The following STK32A variants were observed in gnomAD, a reference collection of about 807,000 sequenced individuals.
STK32A encodes serine/threonine-protein kinase 32A.
A neutral mutation model predicts 53.2 loss-of-function variants in STK32A; 41 were observed. The observed-to-expected ratio is 0.77, with a 90% confidence interval of 0.60 to 1.00. STK32A has a LOEUF of 1.00. Among genes scored for constraint, STK32A ranks in the 50% least tolerant of loss-of-function variants. The pLI is 0.00. For missense variants in STK32A, 458 were observed against 485.8 expected (o/e 0.94, Z 0.54); for synonymous variants, 166 against 162.8 (o/e 1.02, Z -0.15).
At chr5:147,294,611 A>T (rs1752775060) in intron 4 of STK32A, among the ~76,000 whole-genome samples, 2 of 152,222 alleles carry the variant, frequency 1.3e-5, no homozygotes, top group East Asian at 3.9e-4. Flanking sequence ...CTTTACCAAA[A>T]ACACATCTTA....
chr5:147,240,483 A>C (rs1753527029), intron 2 of STK32A, among the ~76,000 whole-genome samples: 1 of 152,186 alleles, frequency 6.6e-6, no homozygotes, highest in African/African-American at 2.4e-5. Context: ...ACTGAAATTC[A>C]GGAAATCTGA....
chr5:147,353,771 A>AAAC (rs889215458), intron 7 of STK32A, among the ~76,000 whole-genome samples: 15 of 152,182 alleles, frequency 9.9e-5, no homozygotes, highest in East Asian at 9.7e-4. Context: ...AAGAAAAAAC[A>AAAC]AACAACAACA....
At chr5:147,303,786 A>G (rs1000744806) in intron 4 of STK32A, among the ~76,000 whole-genome samples, 1 of 152,216 alleles carries the variant, frequency 6.6e-6, no homozygotes, top group African/African-American at 2.4e-5. Flanking sequence ...GTTTTGGCAT[A>G]TGACCCTGAT....
chr5:147,383,309 T>C, intron 11 of STK32A, 132 bp from the exon 12 acceptor site: 1 of 750,526 alleles, frequency 1.3e-6, no homozygotes, highest in Middle Eastern at 2.4e-4. Flanking sequence ...ATAGCATCCA[T>C]TTTGAAGATA....
chr5:147,361,021 C>T (rs187021759), intron 7 of STK32A, among the ~76,000 whole-genome samples: 244 of 152,300 alleles, frequency 1.6e-3, no homozygotes, highest in Non-Finnish European at 2.8e-3. Context: ...TTCTCCCTCC[C>T]TCATCCCCAA....
chr5:147,256,795 A>G (rs952306068), intron 2 of STK32A, among the ~76,000 whole-genome samples: 2 of 152,132 alleles, frequency 1.3e-5, no homozygotes, highest in Non-Finnish European at 2.9e-5. Flanking sequence ...TACAGGCGTG[A>G]GCCACCGAGC....
At chr5:147,326,138 A>G (rs751512009) in intron 5 of STK32A, among the ~76,000 whole-genome samples, 2 of 152,338 alleles carry the variant, frequency 1.3e-5, no homozygotes, top group Non-Finnish European at 1.5e-5. Context: ...ATTTTTCCCC[A>G]AGGAGCTTAC....
At chr5:147,270,215 G>GA (rs1221046047) in intron 2 of STK32A, among the ~76,000 whole-genome samples, 1 of 151,838 alleles carries the variant, frequency 6.6e-6, no homozygotes, top group Non-Finnish European at 1.5e-5. Flanking sequence ...CTACATTACT[G>GA]AAAAAAAATC....
In STK32A at chr5:147,383,497, C is replaced by T. The variant is rs772286007; in HGVS notation, c.1089C>T (p.Asn363=). 1.3e-6 allele frequency: 2 copies of T among 1,590,106 alleles called. No individual in the cohort carries two copies. The highest frequency in any genetic ancestry group is 2.3e-5 in the East Asian group (1 of 43,942). ...DSVQKEFIIF[N]REKVNRDFNK... is the part of the protein sequence containing the mutation. The stretch of plus-strand genomic sequence containing the variant: ...TCCAGAAGGAGTTCATAATTTTCAA[C>T]AGAGAAAAGTAAGTAATTCCTGGGA... Residue 363 remains asparagine (N), a synonymous_variant, in exon 12 of 13, where the codon AAC becomes AAT. Coordinates refer to ENST00000397936, the MANE Select transcript of STK32A (RefSeq NM_001112724.2).
intron 9 of STK32A, among the ~76,000 whole-genome samples, chr5:147,371,202 G>A (rs554640646): frequency 1.7e-4 from 26 of 152,160 alleles, no homozygotes; most frequent in African/African-American, 6.3e-4. Context: ...CATCAGTCTA[G>A]CCTTATAACG....
chr5:147,318,533 G>T (rs1015562874), intron 4 of STK32A, among the ~76,000 whole-genome samples: 2 of 151,684 alleles, frequency 1.3e-5, no homozygotes, highest in Non-Finnish European at 2.9e-5. Context: ...GAGAGGCTAC[G>T]GCAGGAGGAT....
chr5:147,299,354 C>T (rs6875153), intron 4 of STK32A, among the ~76,000 whole-genome samples: 55,911 of 151,794 alleles, frequency 0.37, 11,156 homozygotes, highest in East Asian at 0.59. Context: ...GCTTCTTTGC[C>T]GCAACTTGTT....
At chr5:147,380,313 CAAGT>C (rs770513706) in intron 11 of STK32A, among the ~76,000 whole-genome samples, 2 of 152,092 alleles carry the variant, frequency 1.3e-5, no homozygotes, top group Non-Finnish European at 2.9e-5. Context: ...CTTCCGTTTG[CAAGT>C]AAGAGTGAAA....
At chr5:147,353,763 GA>G (rs1461465435) in intron 7 of STK32A, among the ~76,000 whole-genome samples, 1 of 151,064 alleles carries the variant, frequency 6.6e-6, no homozygotes, top group Non-Finnish European at 1.5e-5. Context: ...CATCTCAAAA[GA>G]AAAAACAAAC....
chr5:147,393,812 G>T, the STK32A span: 1 of 559,524 alleles, frequency 1.8e-6, no homozygotes, highest in African/African-American at 1.9e-5. Context: ...TAAATGGGGG[G>T]AGGGGAGTCA....
intron 4 of STK32A, among the ~76,000 whole-genome samples, chr5:147,286,046 G>A (rs1752315480): frequency 6.6e-6 from 1 of 152,024 alleles, no homozygotes; most frequent in African/African-American, 2.4e-5. Context: ...TCAATGAGTG[G>A]ATAAAGAAAC....
At chr5:147,338,517 G>A (rs1158012488) in intron 5 of STK32A, among the ~76,000 whole-genome samples, 1 of 152,228 alleles carries the variant, frequency 6.6e-6, no homozygotes, top group Non-Finnish European at 1.5e-5. Context: ...AAATGTGGAA[G>A]CAACTTTGGA....
intron 11 of STK32A, among the ~76,000 whole-genome samples, chr5:147,379,843 G>C (rs1194521129): frequency 1.3e-5 from 2 of 152,110 alleles, no homozygotes; most frequent in African/African-American, 4.8e-5. Flanking sequence ...TGAGTCCTAA[G>C]ATTTTAAGCG....
chr5:147,242,792 C>T, intron 2 of STK32A, among the ~76,000 whole-genome samples: 1 of 152,230 alleles, frequency 6.6e-6, no homozygotes, highest in African/African-American at 2.4e-5. Flanking sequence ...AAAAGTATGC[C>T]ATTCTAGGGA....
Sources: allele counts gnomAD v4.1 joint callset (sites outside exome capture counted in the v4.1 genomes callset), GRCh38; gene constraint gnomAD v4.1.1; transcripts MANE v1.5; gene names NCBI Gene and HGNC (gene_info 2026-07-23, HGNC 2026-07-21).